Variants in FSTL4 observed in about 807,000 individuals in gnomAD.
FSTL4 encodes follistatin-related protein 4.
A neutral mutation model predicts 78.2 loss-of-function variants in FSTL4; 28 were observed. The ratio of observed to expected loss-of-function variants is 0.36; its 90% CI spans 0.27 to 0.49. The LOEUF (loss-of-function observed/expected upper bound fraction) is 0.49, where lower values mean the gene tolerates loss of function less well. Ranked by LOEUF, FSTL4 falls within the 20% of genes least tolerant of loss-of-function variation. The pLI is 0.98. For synonymous variants in FSTL4, 422 were observed against 440.5 expected (o/e 0.96, Z 0.53); for missense variants, 922 against 1,084.9 (o/e 0.85, Z 2.11).
At chr5:133,312,380 C>T (rs1191728055) in intron 6 of FSTL4, 2 of 435,620 alleles carry the variant, frequency 4.6e-6, no homozygotes, top group South Asian at 3.2e-5. Context: ...TCACAGTGCC[C>T]TCACAGCTAT....
intron 3 of FSTL4, among the ~76,000 whole-genome samples, chr5:133,505,492 C>T (rs566529070): frequency 6.6e-6 from 1 of 152,282 alleles, no homozygotes; most frequent in South Asian, 2.1e-4. Context: ...AGATTCTCTT[C>T]CTAAAGTCTG....
chr5:133,513,309 C>T (rs868059059), intron 3 of FSTL4, among the ~76,000 whole-genome samples: 1 of 152,246 alleles, frequency 6.6e-6, no homozygotes, highest in Middle Eastern at 3.4e-3. Flanking sequence ...TACAAATATG[C>T]ATATTATTAA....
At chr5:133,378,242 T>C (rs1755487310) in intron 4 of FSTL4, among the ~76,000 whole-genome samples, 1 of 152,202 alleles carries the variant, frequency 6.6e-6, no homozygotes. Context: ...GCAGACAGTA[T>C]AAATATACAT....
chr5:133,642,355 G>A, the FSTL4 span, among the ~76,000 whole-genome samples: 4,229 of 152,240 alleles, frequency 0.028, 217 homozygotes, highest in African/African-American at 0.097. Flanking sequence ...TCTCATCAGT[G>A]CAGTTCTGCA....
intron 3 of FSTL4, among the ~76,000 whole-genome samples, chr5:133,492,618 C>A (rs1758289294): frequency 6.6e-6 from 1 of 152,022 alleles, no homozygotes; most frequent in Non-Finnish European, 1.5e-5. Context: ...TCTTTGGTCA[C>A]TTTTTATCTT....
chr5:133,301,130 G>T (rs1209213664), intron 6 of FSTL4, among the ~76,000 whole-genome samples: 1 of 152,158 alleles, frequency 6.6e-6, no homozygotes, highest in East Asian at 1.9e-4. Flanking sequence ...CCCAGAGAGG[G>T]TCTGTCTCAC....
chr5:133,795,263 C>T, the FSTL4 span, among the ~76,000 whole-genome samples: 12 of 152,160 alleles, frequency 7.9e-5, no homozygotes, highest in Non-Finnish European at 1.8e-4. Context: ...AAACTCAGGC[C>T]GGCAAGGGGA....
At chr5:133,693,153 G>T in the FSTL4 span, among the ~76,000 whole-genome samples, 7 of 152,252 alleles carry the variant, frequency 4.6e-5, no homozygotes, top group East Asian at 5.8e-4. Context: ...TCTTGACAGG[G>T]CCATTGCCTC....
chr5:133,430,312 T>TA (rs1580703725), intron 3 of FSTL4, among the ~76,000 whole-genome samples: 1 of 152,180 alleles, frequency 6.6e-6, no homozygotes, highest in East Asian at 1.9e-4. Context: ...AGTGGCCCTG[T>TA]GGGGTAGGTC....
the FSTL4 span, among the ~76,000 whole-genome samples, chr5:133,709,439 T>C: frequency 1.3e-5 from 2 of 152,260 alleles, no homozygotes; most frequent in Non-Finnish European, 2.9e-5. Flanking sequence ...AAACACTGGC[T>C]CCTTCAGTAT....
intron 3 of FSTL4, among the ~76,000 whole-genome samples, chr5:133,564,680 G>C (rs1759989094): frequency 6.6e-6 from 1 of 151,742 alleles, no homozygotes; most frequent in Non-Finnish European, 1.5e-5. Context: ...TGAAGGGGAG[G>C]TGGATTTGAC....
chr5:133,569,427 T>A (rs1760102641), intron 2 of FSTL4, among the ~76,000 whole-genome samples: 1 of 152,210 alleles, frequency 6.6e-6, no homozygotes, highest in South Asian at 2.1e-4. Flanking sequence ...ATGAAACCAA[T>A]ATACATTTTA....
the FSTL4 span, among the ~76,000 whole-genome samples, chr5:133,765,614 T>C: frequency 4.6e-5 from 7 of 151,970 alleles, no homozygotes; most frequent in Non-Finnish European, 2.9e-5. Flanking sequence ...AGTCCATCAG[T>C]GATTCTTGGG....
At chr5:133,431,810 C>T (rs886669348) in intron 3 of FSTL4, among the ~76,000 whole-genome samples, 9 of 152,112 alleles carry the variant, frequency 5.9e-5, no homozygotes, top group Admixed American at 2.6e-4. Context: ...CAAAACAAAA[C>T]GCATTGGCCA....
Position 133,526,477 on chromosome 5 carries a change from A to G in FSTL4, c.160+40709T>C, listed in dbSNP as rs768836560. Among the ~76,000 whole-genome samples the G allele has an allele frequency of 2.0e-4, 30 of 151,616 alleles. 1 individual carries two copies. Among genetic ancestry groups the G allele is most frequent in the Admixed American group, 5.9e-4 (9 of 15,202 alleles). On this transcript the variant is annotated intron_variant, in intron 3 of 15. Transcript: ENST00000265342. The stretch of plus-strand genomic sequence containing the variant: ...AGGGGACTTGCTGGGTTAGGGTGCG[A>G]CTCCTATTGGAGAGGTAGGGTAAGG...
At chr5:133,233,660 G>A in intron 7 of FSTL4, 123 bp from the exon 8 acceptor site, 2 of 1,237,946 alleles carry the variant, frequency 1.6e-6, no homozygotes, top group Non-Finnish European at 2.3e-6. Flanking sequence ...CCTGGCCCTT[G>A]CTCAGCCAGA....
chr5:133,385,672 C>T (rs951804671), intron 4 of FSTL4, among the ~76,000 whole-genome samples: 9 of 152,204 alleles, frequency 5.9e-5, no homozygotes, highest in South Asian at 2.1e-4. Context: ...GGAGAGACTG[C>T]GCAGGTGCTC....
At chr5:133,441,333 G>A (rs1219849852) in intron 3 of FSTL4, among the ~76,000 whole-genome samples, 2 of 152,172 alleles carry the variant, frequency 1.3e-5, no homozygotes. Flanking sequence ...GGCTTGCCCT[G>A]TGCACTGACC....
At chr5:133,567,023 T>C (rs1760040525) in intron 3 of FSTL4, among the ~76,000 whole-genome samples, 163 bp downstream of exon 3, 2 of 152,192 alleles carry the variant, frequency 1.3e-5, no homozygotes, top group South Asian at 4.1e-4. Context: ...CTTCAGTCCA[T>C]GCAGTCCCTA....
Sources: gnomAD v4.1 joint callset for allele counts (sites outside exome capture counted in the v4.1 genomes callset) on GRCh38, gnomAD v4.1.1 for gene constraint, MANE v1.5 for transcripts, NCBI Gene and HGNC (gene_info 2026-07-23, HGNC 2026-07-21) for gene names.